SEPTIN11: variants seen among roughly 807,000 people sequenced by gnomAD.
SEPTIN11 encodes septin 11.
In SEPTIN11, 25 loss-of-function variants were observed where a neutral mutation model predicts 51.4. That is an observed-to-expected ratio of 0.49 (90% CI 0.35 to 0.68). The LOEUF is 0.68. Among genes scored for constraint, SEPTIN11 ranks in the 30% least tolerant of loss-of-function variants. The pLI is 0.00. For missense variants in SEPTIN11, 381 were observed against 520.8 expected, an observed-to-expected ratio of 0.73 and a Z score of 2.61; for synonymous variants, 174 against 184.1, an observed-to-expected ratio of 0.95 and a Z score of 0.44.
In SEPTIN11 at chr4:77,020,627, G is replaced by C. The variant is rs763550483; in HGVS notation, c.910G>C (p.Glu304Gln). 1 of 1,614,150 alleles carries C rather than the reference G, an allele frequency of 6.2e-7. No individual in the cohort carries two copies. The highest frequency in any genetic ancestry group is 1.1e-5 in the South Asian group (1 of 91,088). ...ATTGTACCGACGCTGTAAGCTTGAA[G>C]AGATGGGGTTCAAGGACACTGACCC... is the stretch of plus-strand genomic sequence containing the variant. The part of the protein sequence containing the change: ...YELYRRCKLE[E>Q]MGFKDTDPDS... The change falls in exon 7 of 10, where the codon GAG becomes CAG. Residue 304 changes from glutamate to glutamine, a missense_variant. Physicochemically the swap from Glu to Gln is conservative, Grantham distance 29. Around this residue, in one of 2 missense-constraint regions of SEPTIN11, gnomAD observed 197 missense variants for 313.1 expected, o/e 0.63. Coordinates refer to ENST00000264893, the MANE Select transcript of SEPTIN11 (RefSeq NM_018243.4).
intron 1 of SEPTIN11, among the ~76,000 whole-genome samples, chr4:76,961,975 A>C (rs1721843536): frequency 6.6e-6 from 1 of 152,258 alleles, no homozygotes; most frequent in African/African-American, 2.4e-5. Context: ...ATATAAGTGC[A>C]AAAATTGAAT....
rs73826490 is a variant in SEPTIN11, at chr4:77,024,079, T to C, written c.953+3409T>C. On this transcript the variant is annotated intron_variant, in intron 7 of 9. Transcript: ENST00000264893. The surrounding 1 kb of genome is among the most constrained non-coding windows in gnomAD (Gnocchi z 4.2). ...CAGTACATGTTTGTAAAACAGAGAG[T>C]GACCTCTAACACCAAGTCTAGTAAG... is the stretch of plus-strand genomic sequence containing the variant. Among the ~76,000 whole-genome samples the C allele has an allele frequency of 0.053, 7,989 of 152,062 alleles. 285 individuals are homozygous for C. The highest frequency in any genetic ancestry group is 0.095 in the African/African-American group (3,935 of 41,468).
chr4:76,956,993 T>TGTGTGTGTGTGTGTGTGTGTGTGTGTGA (rs769320568), intron 1 of SEPTIN11, among the ~76,000 whole-genome samples: 1 of 98,488 alleles, frequency 1.0e-5, no homozygotes, highest in Admixed American at 1.0e-4. Flanking sequence ...TGTGTGTGTG[T>TGTGTGTGTGTGTGTGTGTGTGTGTGTGA]GAGAGAGAGA....
chr4:76,980,390 T>C (rs1235357459), intron 1 of SEPTIN11, among the ~76,000 whole-genome samples: 1 of 152,220 alleles, frequency 6.6e-6, no homozygotes, highest in Non-Finnish European at 1.5e-5. Context: ...TTCTGAATTA[T>C]TAATATCCGG....
Position 77,005,791 on chromosome 4 carries a change from T to A in SEPTIN11, c.333T>A (p.Asp111Glu). The part of the protein sequence containing the change: ...TVGFGDQINK[D>E]DSYKPIVEYI... Reference sequence around the variant, plus strand: ...GATTTGGAGACCAGATAAATAAAGATGACAGGTACATCTTGGGATTTTGGG... The same window carrying A: ...GATTTGGAGACCAGATAAATAAAGAAGACAGGTACATCTTGGGATTTTGGG... Residue 111 changes from aspartate (D) to glutamate (E), a missense_variant, in exon 3 of 10, where the codon GAT (aspartate) becomes GAA (glutamate). Coordinates refer to ENST00000264893, the MANE Select transcript of SEPTIN11 (RefSeq NM_018243.4). The A allele has an allele frequency of 1.2e-6, 2 of 1,613,358 alleles. No homozygotes were observed. Among genetic ancestry groups the A allele is most frequent in the South Asian group, 1.1e-5 (1 of 90,946 alleles).
intron 1 of SEPTIN11, chr4:76,995,814 T>TTACAGAGCCTGTGCTAGGAGC: frequency 6.5e-7 from 1 of 1,533,080 alleles, no homozygotes; most frequent in Non-Finnish European, 8.7e-7. Flanking sequence ...ACTCCAGCAG[T>TTACAGAGCCTGTGCTAGGAGC]TACAGAGCCT....
Position 77,011,864 on chromosome 4 carries a change from T to G in SEPTIN11, c.468T>G (p.Pro156=). ...RIHACLYFIA[P]TGHSLKSLDL... is the part of the protein sequence containing the mutation. ...ATGCCTGCCTCTACTTTATTGCCCC[T>G]ACTGGACATTCACTAAAGTCCCTGG... The change falls in exon 4 of 10, where the codon CCT becomes CCG. Residue 156 remains proline, a synonymous_variant. Transcript: ENST00000264893. 1 of 1,614,122 alleles carries G rather than the reference T, an allele frequency of 6.2e-7. No homozygotes were observed. The highest frequency in any genetic ancestry group is 8.5e-7 in the Non-Finnish European group (1 of 1,179,976).
Position 76,996,460 on chromosome 4 carries a change from T to C in SEPTIN11, c.63T>C (p.His21=), listed in dbSNP as rs908477612. The part of the protein sequence containing the change: ...EELRNLSLSG[H]VGFDSLPDQL... ...TTCGAAACTTGTCTTTGTCTGGCCA[T>C]GTGGGATTTGACAGCCTCCCTGACC... is the stretch of plus-strand genomic sequence containing the variant. Residue 21 remains histidine, a synonymous_variant, in exon 2 of 10, where the codon CAT becomes CAC. Coordinates refer to ENST00000264893, the MANE Select transcript of SEPTIN11 (RefSeq NM_018243.4). 1 of 1,614,148 alleles carries C rather than the reference T, an allele frequency of 6.2e-7. No individual in the cohort carries two copies. The highest frequency in any genetic ancestry group is 2.2e-5 in the East Asian group (1 of 44,882).
At chr4:77,033,154 T>G (rs1328200949) in intron 9 of SEPTIN11, among the ~76,000 whole-genome samples, 3 of 146,436 alleles carry the variant, frequency 2.0e-5, no homozygotes, top group Admixed American at 1.3e-4. Flanking sequence ...GCCTGAAATG[T>G]CCAAGAAAAA....
chr4:76,975,136 G>GAAAAAAAAAAA, intron 1 of SEPTIN11, among the ~76,000 whole-genome samples: 1 of 112,754 alleles, frequency 8.9e-6, no homozygotes. Flanking sequence ...GAAGAAAAAA[G>GAAAAAAAAAAA]AAAAAAAAAA....
At chr4:76,968,943 C>A (rs1373309879) in intron 1 of SEPTIN11, among the ~76,000 whole-genome samples, 1 of 152,092 alleles carries the variant, frequency 6.6e-6, no homozygotes, top group Admixed American at 6.6e-5. Flanking sequence ...TCAATTTATT[C>A]TACTCAAACA....
chr4:77,031,780 G>A (rs777419812), intron 9 of SEPTIN11: 1 of 152,144 alleles, frequency 6.6e-6, no homozygotes, highest in Non-Finnish European at 1.5e-5. Flanking sequence ...TACCACTAAC[G>A]AAAACCTTTG....
chr4:77,019,506 G>T (rs112482983), intron 6 of SEPTIN11, among the ~76,000 whole-genome samples: 14 of 152,196 alleles, frequency 9.2e-5, no homozygotes, highest in African/African-American at 3.1e-4. Flanking sequence ...GCTGGGTTGT[G>T]TAGGGAATTA....
intron 5 of SEPTIN11, among the ~76,000 whole-genome samples, chr4:77,015,987 C>G (rs1362511172): frequency 1.3e-5 from 2 of 152,096 alleles, no homozygotes; most frequent in African/African-American, 4.8e-5. Flanking sequence ...GTTCCCATCG[C>G]CAGTGGTTTG....
Position 77,038,235 on chromosome 4 carries a change from CTG to C in SEPTIN11, c.*3726_*3727del. On this transcript the variant is annotated 3_prime_UTR_variant, in exon 10 of 10. Coordinates refer to ENST00000264893, the MANE Select transcript of SEPTIN11 (RefSeq NM_018243.4). ...GGAATTTTTTAAATAAATTGAAAAG[CTG>C]TGAACAGCATTAGAACTTTGTCTAT... 1.0e-6 allele frequency: 1 copy of C among 985,662 alleles called. No homozygotes were observed. Among genetic ancestry groups the C allele is most frequent in the Non-Finnish European group, 1.2e-6 (1 of 829,742 alleles). The allele number at this position is 985,662 out of a possible 1,614,324, so 61.1% of individuals were successfully genotyped here.
At chr4:76,959,454 C>A (rs564626032) in intron 1 of SEPTIN11, among the ~76,000 whole-genome samples, 27 of 151,860 alleles carry the variant, frequency 1.8e-4, no homozygotes, top group African/African-American at 6.0e-4. Flanking sequence ...ATTTGTATCG[C>A]ATCACCTAGA....
At chr4:76,995,842 G>C in intron 1 of SEPTIN11, 1 of 1,535,504 alleles carries the variant, frequency 6.5e-7, no homozygotes, top group Non-Finnish European at 8.7e-7. Context: ...GAGCTACAGG[G>C]TGAAGAGGGG....
chr4:76,975,107 A>G (rs530063578), intron 1 of SEPTIN11, among the ~76,000 whole-genome samples: 3 of 149,110 alleles, frequency 2.0e-5, no homozygotes, highest in South Asian at 2.1e-4. Flanking sequence ...CAGCAAGACT[A>G]TGTTTCAAAA....
At chr4:77,026,510 T>G (rs1726155421) in intron 7 of SEPTIN11, among the ~76,000 whole-genome samples, 1 of 152,206 alleles carries the variant, frequency 6.6e-6, no homozygotes, top group Non-Finnish European at 1.5e-5. Context: ...ATGTGCCTAG[T>G]GCCCCTGCTG....
Sources: allele counts gnomAD v4.1 joint callset (sites outside exome capture counted in the v4.1 genomes callset), GRCh38; gene constraint gnomAD v4.1.1; regional missense constraint gnomAD v4.1.1; non-coding constraint Gnocchi (gnomAD v3.1); transcripts MANE v1.5; gene names NCBI Gene and HGNC (gene_info 2026-07-23, HGNC 2026-07-21).